Variants in VAT1L observed in about 807,000 individuals in gnomAD.
VAT1L encodes putative NADPH-dependent quinone oxidoreductase VAT1L.
In VAT1L, 34 loss-of-function variants were observed where a neutral mutation model predicts 44.1. The observed-to-expected ratio is 0.77, with a 90% CI of 0.59 to 1.03. The LOEUF (loss-of-function observed/expected upper bound fraction) is 1.03, where lower values mean the gene tolerates loss of function less well. Among genes scored for constraint, VAT1L ranks in the 50% least tolerant of loss-of-function variants. VAT1L has a pLI of 0.00. For synonymous variants in VAT1L, 253 were observed against 202.2 expected, an observed-to-expected ratio of 1.25 and a Z score of -2.13; for missense variants, 615 against 538.8, an observed-to-expected ratio of 1.14 and a Z score of -1.40.
intron 7 of VAT1L, among the ~76,000 whole-genome samples, chr16:77,895,123 C>CACACACACACACACACACACACACACAT (rs1444617616): frequency 2.0e-5 from 3 of 151,898 alleles, no homozygotes; most frequent in African/African-American, 7.2e-5. Flanking sequence ...CACACTCACA[C>CACACACACACACACACACACACACACAT]ATTTCCGATT....
intron 8 of VAT1L, 80 bp downstream of exon 8, chr16:77,972,013 T>C (rs1245013989): frequency 1.5e-6 from 2 of 1,373,252 alleles, no homozygotes; most frequent in African/African-American, 1.4e-5. Context: ...ACGGGTGGGG[T>C]AGAAGGAAGT....
chr16:77,829,906 A>G (rs1309319451), intron 3 of VAT1L, among the ~76,000 whole-genome samples: 2 of 152,152 alleles, frequency 1.3e-5, no homozygotes, highest in African/African-American at 4.8e-5. Flanking sequence ...AGATTACTAT[A>G]GGCAGTAAGC....
chr16:77,792,420 T>A (rs1245872355), intron 1 of VAT1L, among the ~76,000 whole-genome samples: 1 of 152,084 alleles, frequency 6.6e-6, no homozygotes, highest in Non-Finnish European at 1.5e-5. Flanking sequence ...GGTGGTTTAT[T>A]GAAAGTGTGC....
intron 3 of VAT1L, among the ~76,000 whole-genome samples, chr16:77,848,947 A>G (rs1200943237): frequency 1.3e-5 from 2 of 152,178 alleles, no homozygotes; most frequent in Non-Finnish European, 2.9e-5. Flanking sequence ...GGAACAGAAA[A>G]CCAAACACCA....
At chr16:77,924,231 G>A (rs533407482) in intron 7 of VAT1L, among the ~76,000 whole-genome samples, 15 of 152,132 alleles carry the variant, frequency 9.9e-5, no homozygotes, top group African/African-American at 3.4e-4. Flanking sequence ...ATTTTCTAGG[G>A]CTTATGATCT....
chr16:77,925,318 C>T (rs1253231000), intron 7 of VAT1L, among the ~76,000 whole-genome samples: 1 of 152,184 alleles, frequency 6.6e-6, no homozygotes, highest in Non-Finnish European at 1.5e-5. Flanking sequence ...CCATCTACCC[C>T]TTCTGGTTAT....
chr16:77,816,799 A>G, intron 1 of VAT1L, 122 bp from the exon 2 acceptor site: 1 of 1,260,370 alleles, frequency 7.9e-7, no homozygotes, highest in Non-Finnish European at 1.1e-6. Flanking sequence ...AAAAAAAGAC[A>G]GGAAGGAGTG....
chr16:77,926,689 T>C (rs1420091648), intron 7 of VAT1L, among the ~76,000 whole-genome samples: 1 of 152,182 alleles, frequency 6.6e-6, no homozygotes, highest in East Asian at 1.9e-4. Context: ...AAACTAAGGT[T>C]GACTTCACAG....
At chr16:77,947,632 A>G (rs889102835) in intron 7 of VAT1L, among the ~76,000 whole-genome samples, 2 of 152,194 alleles carry the variant, frequency 1.3e-5, no homozygotes, top group African/African-American at 4.8e-5. Context: ...AGCACACAAC[A>G]TCCCCAGGAC....
chr16:77,836,681 A>C (rs2016642499), intron 3 of VAT1L, among the ~76,000 whole-genome samples: 1 of 152,220 alleles, frequency 6.6e-6, no homozygotes. Context: ...TTAGGTTAAA[A>C]ATATGTAAAT....
chr16:77,886,200 T>A (rs1381654258), intron 7 of VAT1L, among the ~76,000 whole-genome samples: 3 of 152,194 alleles, frequency 2.0e-5, no homozygotes, highest in Non-Finnish European at 4.4e-5. Flanking sequence ...TGCTGTGTAA[T>A]TGCCAATACA....
chr16:77,969,911 C>G (rs753279585), intron 7 of VAT1L, among the ~76,000 whole-genome samples: 1 of 151,822 alleles, frequency 6.6e-6, no homozygotes, highest in Non-Finnish European at 1.5e-5. Flanking sequence ...AATCATATGA[C>G]ACTATTAATC....
chr16:77,870,345 A>C (rs892340591), intron 4 of VAT1L, among the ~76,000 whole-genome samples: 2 of 152,256 alleles, frequency 1.3e-5, no homozygotes, highest in African/African-American at 4.8e-5. Context: ...ATGAGTTCTC[A>C]GAAAAAGGGA....
chr16:77,968,009 G>A (rs2018240982), intron 7 of VAT1L, among the ~76,000 whole-genome samples: 1 of 152,140 alleles, frequency 6.6e-6, no homozygotes, highest in South Asian at 2.1e-4. Flanking sequence ...TTCTATTTTT[G>A]AGCATCAGGG....
intron 7 of VAT1L, among the ~76,000 whole-genome samples, chr16:77,954,043 G>C (rs2018074566): frequency 6.6e-6 from 1 of 152,130 alleles, no homozygotes; most frequent in Admixed American, 6.6e-5. Flanking sequence ...CCACCACTGA[G>C]ATTCGTCCCT....
intron 7 of VAT1L, among the ~76,000 whole-genome samples, chr16:77,954,550 G>A (rs533098306): frequency 2.0e-5 from 3 of 152,252 alleles, no homozygotes; most frequent in Admixed American, 6.5e-5. Context: ...GCTTGAACCC[G>A]GGAGGCAGAG....
rs139672987 is a variant in VAT1L at position 77,932,522 on chromosome 16, C to G, written c.1078-39328C>G. On this transcript the variant is annotated intron_variant, in intron 7 of 8. Transcript: ENST00000302536. ...TCCTACTTATTTGACTGTGGAAACT[C>G]TTTTCTTCATATCTCACTGAATACA... Among the ~76,000 whole-genome samples, 1,159 of 152,308 alleles carry G rather than the reference C, an allele frequency of 7.6e-3. 11 individuals are homozygous for G. The highest frequency in any genetic ancestry group is 0.011 in the Non-Finnish European group (717 of 68,022).
chr16:77,819,057 G>T (rs2016404319), intron 2 of VAT1L, among the ~76,000 whole-genome samples: 1 of 152,018 alleles, frequency 6.6e-6, no homozygotes, highest in African/African-American at 2.4e-5. Flanking sequence ...TTTTAAATGT[G>T]CCTGCCTCTG....
intron 7 of VAT1L, among the ~76,000 whole-genome samples, chr16:77,898,946 G>T (rs2017352771): frequency 6.6e-6 from 1 of 152,254 alleles, no homozygotes; most frequent in Non-Finnish European, 1.5e-5. Flanking sequence ...GTTTTGGGAG[G>T]TTCTGCCAGG....
Sources: allele counts gnomAD v4.1 joint callset (sites outside exome capture counted in the v4.1 genomes callset), GRCh38; gene constraint gnomAD v4.1.1; transcripts MANE v1.5; gene names NCBI Gene and HGNC (gene_info 2026-07-23, HGNC 2026-07-21).